DR1: variants seen among roughly 807,000 people sequenced by gnomAD.
The protein encoded by DR1 is protein Dr1.
Under a neutral mutation model 19.9 loss-of-function variants are expected in DR1, and 7 were observed. That is an observed-to-expected ratio of 0.35 (90% CI 0.20 to 0.66). The LOEUF is 0.66. DR1 is among the 30% of genes least tolerant of loss of function. The pLI, the probability that DR1 is intolerant of heterozygous loss-of-function variation, is 0.66. For synonymous variants in DR1, 76 were observed against 72.5 expected (o/e 1.05, Z -0.24); for missense variants, 98 against 203.7 (o/e 0.48, Z 3.16).
chr1:93,358,905 A>G (rs1667023593), intron 2 of DR1, among the ~76,000 whole-genome samples: 1 of 152,196 alleles, frequency 6.6e-6, no homozygotes, highest in South Asian at 2.1e-4. Context: ...ACTTGAAGGA[A>G]GGGTAGAATT....
At position 93,352,550 on chromosome 1, in the gene DR1, C is replaced by A. The variant is rs150815412; in HGVS notation, c.221-1358C>A. ...GAAATACTTAAAGTTGTAAATCATTCAAAATGTCTAAAAACCACAGTTTGC... is the reference window on the plus strand; with the variant it reads ...GAAATACTTAAAGTTGTAAATCATTAAAAATGTCTAAAAACCACAGTTTGC... On this transcript the variant is annotated intron_variant, in intron 1 of 2. Transcript: ENST00000370272. 4.4e-3 allele frequency among the ~76,000 whole-genome samples: 664 copies of A among 152,268 alleles called. 1 individual carries two copies. The highest frequency in any genetic ancestry group is 0.01 in the Middle Eastern group (3 of 294).
intron 1 of DR1, among the ~76,000 whole-genome samples, chr1:93,349,149 T>G (rs1666888304): frequency 6.6e-6 from 1 of 152,120 alleles, no homozygotes; most frequent in South Asian, 2.1e-4. Flanking sequence ...TGTTCATTTC[T>G]CACCTTGCTT....
intron 1 of DR1, among the ~76,000 whole-genome samples, chr1:93,348,868 C>G (rs1291945447): frequency 1.3e-5 from 2 of 151,900 alleles, no homozygotes; most frequent in African/African-American, 4.8e-5. Context: ...TCTCATATTG[C>G]TTAATTATTC....
At chr1:93,359,036 A>C (rs998290461) in intron 2 of DR1, among the ~76,000 whole-genome samples, 2 of 152,230 alleles carry the variant, frequency 1.3e-5, no homozygotes, top group Non-Finnish European at 2.9e-5. Context: ...TTGAAGCACA[A>C]AGTACATGTT....
At chr1:93,359,639 GTAAGACCTTTT>G (rs1359956894) in intron 2 of DR1, among the ~76,000 whole-genome samples, 3 of 152,164 alleles carry the variant, frequency 2.0e-5, no homozygotes, top group Admixed American at 6.5e-5. Context: ...ATGGGAAATT[GTAAGACCTTTT>G]TAAGAACAGG....
chr1:93,361,045 G>GGGT lies in DR1; in HGVS notation c.*408_*409insTGG, dbSNP rs1412535424. 6 of 163,876 alleles carry GGGT rather than the reference G, an allele frequency of 3.7e-5. No homozygotes were observed. Among genetic ancestry groups the GGGT allele is most frequent in the Non-Finnish European group, 6.5e-5 (5 of 76,802 alleles). The allele number at this position is 163,876 out of a possible 1,614,324, so 10.2% of individuals were successfully genotyped here. A position where few individuals can be genotyped will look rare whatever the true frequency, so the allele number is the denominator to read the frequency against. ...AACTTGTGAATTTTAAATTATTAAG[G>GGGT]GGGGGGTGCTGTGTGAATCAGTAGA... On this transcript the variant is annotated 3_prime_UTR_variant, in exon 3 of 3. Transcript: ENST00000370272.
rs748495754 is a variant in DR1 at position 93,360,504 on chromosome 1, A to G, written c.396A>G (p.Gln132=). The G allele has an allele frequency of 1.3e-6, 2 of 1,579,900 alleles. No individual in the cohort carries two copies. The highest frequency in any genetic ancestry group is 2.0e-5 in the Admixed American group (1 of 49,278). The change falls in exon 3 of 3, where the codon CAA becomes CAG. Residue 132 remains glutamine, a synonymous_variant. Coordinates refer to ENST00000370272, the MANE Select transcript of DR1 (RefSeq NM_001938.3). ...QQELFAKARQ[Q]QAELAQQEWL... is the part of the protein sequence containing the mutation. Reference sequence around the variant, plus strand: ...TTTTGGGTGTTTAGGCTAGACAGCAACAAGCAGAATTGGCCCAACAGGAAT... The same window carrying G: ...TTTTGGGTGTTTAGGCTAGACAGCAGCAAGCAGAATTGGCCCAACAGGAAT...
Position 93,346,408 on chromosome 1 carries a change from T to G in DR1, c.-238T>G. On this transcript the variant is annotated 5_prime_UTR_variant, in exon 1 of 3. Coordinates refer to ENST00000370272, the MANE Select transcript of DR1 (RefSeq NM_001938.3). ...GCTTTCCCCTCCTCAGCCTGGGCTG[T>G]GCTCTCTCTAGAATCCTCGGGCCCC... 1.8e-6 allele frequency: 1 copy of G among 540,648 alleles called. No individual in the cohort carries two copies. The highest frequency in any genetic ancestry group is 3.1e-5 in the Admixed American group (1 of 31,898). 33.5% of individuals were successfully genotyped at this position (540,648 alleles called of 1,614,324 possible).
At chr1:93,354,795 C>T (rs1241258034) in intron 2 of DR1, among the ~76,000 whole-genome samples, 1 of 152,070 alleles carries the variant, frequency 6.6e-6, no homozygotes, top group Admixed American at 6.6e-5. Flanking sequence ...CTCTCTGCAG[C>T]CATAACAATC....
Position 93,346,736 on chromosome 1 carries a change from G to C in DR1, c.91G>C (p.Val31Leu). 2 of 1,614,132 alleles carry C rather than the reference G, an allele frequency of 1.2e-6. No individual in the cohort carries two copies. The highest frequency in any genetic ancestry group is 1.7e-6 in the Non-Finnish European group (2 of 1,180,012). Reference protein sequence around the residue: ...MIKETLPNVRVANDARELVVN... With the variant: ...MIKETLPNVRLANDARELVVN... ...CAAAGAGACTCTTCCTAATGTCCGG[G>C]TGGCCAACGATGCTCGAGAGCTGGT... Residue 31 changes from valine (V) to leucine (L), a missense_variant, in exon 1 of 3, where the codon GTG becomes CTG. Transcript: ENST00000370272.
chr1:93,348,179 G>A (rs1035907582), intron 1 of DR1, among the ~76,000 whole-genome samples: 2 of 151,116 alleles, frequency 1.3e-5, no homozygotes, highest in Non-Finnish European at 2.9e-5. Flanking sequence ...CTAGGAAAAA[G>A]CATATTTGAT....
At chr1:93,352,989 G>T (rs1248492670) in intron 1 of DR1, among the ~76,000 whole-genome samples, 4 of 150,794 alleles carry the variant, frequency 2.7e-5, no homozygotes, top group Non-Finnish European at 4.4e-5. Context: ...CAATCTCCTG[G>T]ACTTAAGCAA....
intron 1 of DR1, among the ~76,000 whole-genome samples, chr1:93,349,863 C>G (rs1249954798): frequency 6.6e-6 from 1 of 152,064 alleles, no homozygotes; most frequent in African/African-American, 2.4e-5. Flanking sequence ...TGTCAAATTG[C>G]AATGAAGGTA....
At chr1:93,354,980 A>G (rs548947849) in intron 2 of DR1, 12 of 152,192 alleles carry the variant, frequency 7.9e-5, no homozygotes, top group Non-Finnish European at 1.6e-4. Context: ...CCAACAACCT[A>G]TCATAGGCAC....
intron 1 of DR1, among the ~76,000 whole-genome samples, chr1:93,349,946 C>G (rs1314734098): frequency 6.6e-6 from 1 of 152,050 alleles, no homozygotes; most frequent in African/African-American, 2.4e-5. Context: ...GTCCATGGAC[C>G]ACAGTTTGAG....
At position 93,364,274 on chromosome 1, in the gene DR1, T is replaced by C. The variant is rs1187446617; in HGVS notation, c.*3635T>C. The C allele has an allele frequency of 6.6e-6, 1 of 152,260 alleles. No homozygotes were observed. The highest frequency in any genetic ancestry group is 1.5e-5 in the Non-Finnish European group (1 of 68,040). The allele number at this position is 152,260 out of a possible 1,614,324, so 9.4% of individuals were successfully genotyped here. On this transcript the variant is annotated 3_prime_UTR_variant, in exon 3 of 3. Coordinates refer to ENST00000370272, the MANE Select transcript of DR1 (RefSeq NM_001938.3). ...CCCTTATTAACTGACACATTAGTATTACATACTCATTAGGTTATTGCTCCT... is the reference window on the plus strand; with the variant it reads ...CCCTTATTAACTGACACATTAGTATCACATACTCATTAGGTTATTGCTCCT...
chr1:93,354,104 A>T (rs779446642), intron 2 of DR1, 33 bp downstream of exon 2: 5 of 1,588,252 alleles, frequency 3.1e-6, no homozygotes, highest in Admixed American at 3.5e-5. Context: ...TTTCCTCTGA[A>T]TCCTACCCTG....
rs759971513 is a variant in DR1, at chr1:93,346,635, A to G, written c.-11A>G. 14 of 1,611,676 alleles carry G rather than the reference A, an allele frequency of 8.7e-6. No individual in the cohort carries two copies. In the South Asian group the frequency reaches 1.3e-4, roughly 15 times the overall value. On this transcript the variant is annotated 5_prime_UTR_variant, in exon 1 of 3. Coordinates refer to ENST00000370272, the MANE Select transcript of DR1 (RefSeq NM_001938.3). ...TTTTAAAAGCCGGGGCGCGAGAAAC[A>G]GGAAGGTACTATGGCTTCCTCGTCT...
At position 93,363,581 on chromosome 1, in the gene DR1, T is replaced by G. The variant is rs1667083836; in HGVS notation, c.*2942T>G. The stretch of plus-strand genomic sequence containing the variant: ...TATGATCAAAGCTTGCTTTTGTCAT[T>G]ATATCATCTTCTCTTCTGTAGTCAG... On this transcript the variant is annotated 3_prime_UTR_variant, in exon 3 of 3. Coordinates refer to ENST00000370272, the MANE Select transcript of DR1 (RefSeq NM_001938.3). 6.6e-6 allele frequency: 1 copy of G among 152,242 alleles called. No homozygotes were observed. The highest frequency in any genetic ancestry group is 2.4e-5 in the African/African-American group (1 of 41,470). 9.4% of individuals were successfully genotyped at this position (152,242 alleles called of 1,614,324 possible). A position where few individuals can be genotyped will look rare whatever the true frequency, so the allele number is the denominator to read the frequency against.
Sources: gnomAD v4.1 joint callset for allele counts (sites outside exome capture counted in the v4.1 genomes callset) on GRCh38, gnomAD v4.1.1 for gene constraint, MANE v1.5 for transcripts, NCBI Gene and HGNC (gene_info 2026-07-23, HGNC 2026-07-21) for gene names.